The following UBASH3B variants were observed in gnomAD, a reference collection of about 807,000 sequenced individuals.
The protein encoded by UBASH3B is ubiquitin-associated and SH3 domain-containing protein B.
Under a neutral mutation model 83.4 loss-of-function variants are expected in UBASH3B, and 37 were observed. That is an observed-to-expected ratio of 0.44 (90% confidence interval 0.34 to 0.58). The LOEUF (loss-of-function observed/expected upper bound fraction) is 0.58, where lower values mean the gene tolerates loss of function less well. Among genes scored for constraint, UBASH3B ranks in the 20% least tolerant of loss-of-function variants. The pLI, the probability that UBASH3B is intolerant of heterozygous loss-of-function variation, is 0.01. For synonymous variants in UBASH3B, 304 were observed against 318.3 expected (o/e 0.96, Z 0.48); for missense variants, 657 against 827.2 (o/e 0.79, Z 2.52).
At chr11:122,679,825 CTTCTT>C (rs754120251) in intron 1 of UBASH3B, among the ~76,000 whole-genome samples, 8 of 151,778 alleles carry the variant, frequency 5.3e-5, no homozygotes, top group African/African-American at 1.7e-4. Context: ...TGATTTTTTT[CTTCTT>C]TTCTTTTCTT....
intron 1 of UBASH3B, among the ~76,000 whole-genome samples, chr11:122,677,883 G>A (rs547424690): frequency 3.3e-5 from 5 of 152,028 alleles, no homozygotes; most frequent in South Asian, 2.1e-4. Flanking sequence ...GCAATTCTCC[G>A]GCCTCAGCCT....
chr11:122,784,771 C>T (rs1430064139), intron 5 of UBASH3B, among the ~76,000 whole-genome samples: 2 of 152,154 alleles, frequency 1.3e-5, no homozygotes, highest in South Asian at 2.1e-4. Context: ...GTTAAGCATG[C>T]GCCTGTGAGT....
intron 1 of UBASH3B, among the ~76,000 whole-genome samples, chr11:122,717,092 CAG>C (rs1409597819): frequency 1.3e-5 from 2 of 152,218 alleles, no homozygotes; most frequent in African/African-American, 4.8e-5. Flanking sequence ...AGCCCATTCT[CAG>C]GGGGTTCCCT....
At chr11:122,768,071 C>T (rs1860581931) in intron 1 of UBASH3B, among the ~76,000 whole-genome samples, 1 of 152,138 alleles carries the variant, frequency 6.6e-6, no homozygotes, top group Admixed American at 6.5e-5. Context: ...TGACTGCTAG[C>T]CTGGGAGCCC....
intron 1 of UBASH3B, among the ~76,000 whole-genome samples, chr11:122,658,178 GAAAAAAA>G (rs1254190970): frequency 1.8e-5 from 2 of 111,308 alleles, no homozygotes; most frequent in African/African-American, 6.8e-5. Flanking sequence ...TTCATCTCAA[GAAAAAAA>G]AAAAAAAAAA....
intron 1 of UBASH3B, among the ~76,000 whole-genome samples, chr11:122,695,250 C>A (rs1863952183): frequency 6.6e-6 from 1 of 152,150 alleles, no homozygotes; most frequent in Non-Finnish European, 1.5e-5. Context: ...AGGCGTGAGC[C>A]ACCGCGCCCG....
intron 3 of UBASH3B, among the ~76,000 whole-genome samples, chr11:122,778,697 C>T (rs557154311): frequency 2.6e-5 from 4 of 151,802 alleles, no homozygotes; most frequent in African/African-American, 7.3e-5. Flanking sequence ...CTCTGCTTCC[C>T]GGGTTCAAGT....
At chr11:122,680,854 G>A (rs1045152708) in intron 1 of UBASH3B, among the ~76,000 whole-genome samples, 14 of 152,208 alleles carry the variant, frequency 9.2e-5, no homozygotes, top group Non-Finnish European at 1.5e-4. Flanking sequence ...TAAAGGATGC[G>A]TAAAAGGCAA....
At chr11:122,765,580 T>G (rs751843825) in intron 1 of UBASH3B, among the ~76,000 whole-genome samples, 4 of 152,136 alleles carry the variant, frequency 2.6e-5, no homozygotes, top group Non-Finnish European at 5.9e-5. Context: ...GAGTGGCAAC[T>G]TTTTCATGAG....
At chr11:122,681,274 G>A (rs572881870) in intron 1 of UBASH3B, among the ~76,000 whole-genome samples, 5 of 152,242 alleles carry the variant, frequency 3.3e-5, no homozygotes, top group African/African-American at 2.4e-5. Flanking sequence ...AATCCAAGAC[G>A]TTGATTTCTT....
At chr11:122,725,960 G>T (rs532760035) in intron 1 of UBASH3B, among the ~76,000 whole-genome samples, 1 of 152,136 alleles carries the variant, frequency 6.6e-6, no homozygotes, top group Non-Finnish European at 1.5e-5. Context: ...CCAAAGTGCT[G>T]AGATTACAGG....
intron 1 of UBASH3B, among the ~76,000 whole-genome samples, chr11:122,666,096 G>A (rs1223487710): frequency 6.6e-6 from 1 of 152,342 alleles, no homozygotes; most frequent in Non-Finnish European, 1.5e-5. Flanking sequence ...AAATGCCAGG[G>A]GGAAGCCGAC....
chr11:122,805,437 CAGG>C (rs1341285639), intron 11 of UBASH3B, among the ~76,000 whole-genome samples: 1 of 152,150 alleles, frequency 6.6e-6, no homozygotes, highest in East Asian at 1.9e-4. Flanking sequence ...GAGGCTGAGG[CAGG>C]AGAATTGCTT....
At chr11:122,777,811 C>T (rs1023722723) in intron 3 of UBASH3B, among the ~76,000 whole-genome samples, 1 of 152,148 alleles carries the variant, frequency 6.6e-6, no homozygotes, top group Admixed American at 6.5e-5. Context: ...CTCACTGCAA[C>T]CTCCACCTCT....
At chr11:122,723,598 T>A (rs555752019) in intron 1 of UBASH3B, among the ~76,000 whole-genome samples, 12 of 152,192 alleles carry the variant, frequency 7.9e-5, no homozygotes, top group Non-Finnish European at 1.6e-4. Flanking sequence ...TCTCAAAGTA[T>A]CCATCCTTGT....
In UBASH3B at chr11:122,783,069, T is replaced by C. The variant is rs1860884403; in HGVS notation, c.618T>C (p.Pro206=). ...AASKTEVHVE[P]HKKQLHVTLA... is the part of the protein sequence containing the mutation. Reference sequence around the variant, plus strand: ...TTTTTCCAGAAGTGCATGTGGAACCTCATAAGAAGCAGCTACATGTGACCC... The same window carrying C: ...TTTTTCCAGAAGTGCATGTGGAACCCCATAAGAAGCAGCTACATGTGACCC... The change falls in exon 5 of 14, where the codon CCT becomes CCC. Residue 206 remains proline (P), a synonymous_variant. Coordinates refer to ENST00000284273, the MANE Select transcript of UBASH3B (RefSeq NM_032873.5). 1 of 1,612,528 alleles carries C rather than the reference T, an allele frequency of 6.2e-7. No individual in the cohort carries two copies. Among genetic ancestry groups the C allele is most frequent in the African/African-American group, 1.3e-5 (1 of 74,818 alleles).
intron 1 of UBASH3B, among the ~76,000 whole-genome samples, chr11:122,720,223 C>T (rs1860599915): frequency 6.6e-6 from 1 of 152,206 alleles, no homozygotes; most frequent in Non-Finnish European, 1.5e-5. Flanking sequence ...CTCCCACAGT[C>T]TTGTCATCTC....
chr11:122,765,941 C>G (rs1472107028), intron 1 of UBASH3B, among the ~76,000 whole-genome samples: 1 of 152,176 alleles, frequency 6.6e-6, no homozygotes, highest in African/African-American at 2.4e-5. Flanking sequence ...AAAATTGTAA[C>G]AGGTTAGGCC....
chr11:122,662,427 C>CTTTT lies in UBASH3B; in HGVS notation c.161+6218_161+6221dup, dbSNP rs1434926452. On this transcript the variant is annotated intron_variant, in intron 1 of 13. Coordinates refer to ENST00000284273, the MANE Select transcript of UBASH3B (RefSeq NM_032873.5). ...GCAGCCACCAGTCGCTTTTTCTTTT[C>CTTTT]TTTTCTTTTTTTTTTTTTTGAGACA... Among the ~76,000 whole-genome samples, 5 of 136,132 alleles carry CTTTT rather than the reference C, an allele frequency of 3.7e-5. 2 individuals carry two copies. Among genetic ancestry groups the CTTTT allele is most frequent in the Non-Finnish European group, 8.0e-5 (5 of 62,550 alleles). 89.3% of individuals were successfully genotyped at this position (136,132 alleles called of 152,430 possible).
Sources: gnomAD v4.1 joint callset for allele counts (sites outside exome capture counted in the v4.1 genomes callset) on GRCh38, gnomAD v4.1.1 for gene constraint, MANE v1.5 for transcripts, NCBI Gene and HGNC (gene_info 2026-07-23, HGNC 2026-07-21) for gene names.